BCORL1: variants seen among roughly 807,000 people sequenced by gnomAD.
BCORL1 encodes the protein BCL6 corepressor like 1, also known as BCL-6 corepressor-like protein 1.
In BCORL1, 7 loss-of-function variants were observed where a neutral mutation model predicts 87.6. The observed-to-expected ratio is 0.08, with a 90% CI of 0.05 to 0.15. The LOEUF (loss-of-function observed/expected upper bound fraction) is 0.15, where lower values mean the gene tolerates loss of function less well. BCORL1 is among the 10% of genes least tolerant of loss of function. The probability of loss-of-function intolerance (pLI) is 1.00; values close to 1 mark genes in which losing one functional copy is unlikely to be tolerated. For missense variants in BCORL1, 1,215 were observed against 1,499.7 expected (o/e 0.81, Z 3.13); for synonymous variants, 591 against 634.4 (o/e 0.93, Z 1.03).
chrX:130,034,698 C>T, intron 9 of BCORL1, 22 bp downstream of exon 9: 1 of 950,171 alleles, frequency 1.1e-6, no homozygotes, highest in East Asian at 7.6e-5. Context: ...TTCGACTGAC[C>T]ACAGGGCGCC....
chrX:129,984,373 T>G (rs1603052326), intron 1 of BCORL1, among the ~76,000 whole-genome samples: 1 of 100,190 alleles, frequency 1.0e-5, no homozygotes, highest in African/African-American at 3.7e-5. Flanking sequence ...CGGGGGGCGG[T>G]ACGAGCCGGG....
Position 130,014,110 on chromosome X carries a change from C to T in BCORL1, c.1338C>T (p.Ser446=), listed in dbSNP as rs143237476. ...SFQPGTVLTP[S]QPLVYIPPPS... Reference sequence around the variant, plus strand: ...AGCCAGGGACAGTGCTGACCCCGAGCCAGCCGCTGGTATATATCCCGCCTC... The same window carrying T: ...AGCCAGGGACAGTGCTGACCCCGAGTCAGCCGCTGGTATATATCCCGCCTC... Residue 446 remains serine, a synonymous_variant, in exon 4 of 14, where the codon AGC becomes AGT. Coordinates refer to ENST00000540052, the MANE Select transcript of BCORL1 (RefSeq NM_001379451.1). 3.3e-5 allele frequency: 40 copies of T among 1,208,393 alleles called. No homozygotes were observed. The highest frequency in any genetic ancestry group is 4.4e-5 in the Non-Finnish European group (39 of 894,565).
chrX:130,051,928 G>A lies in BCORL1; in HGVS notation c.4987G>A (p.Asp1663Asn), dbSNP rs150455678. 38 of 1,208,360 alleles carry A rather than the reference G, an allele frequency of 3.1e-5. No individual in the cohort carries two copies. The highest frequency in any genetic ancestry group is 4.0e-5 in the Non-Finnish European group (36 of 892,933). ...PPGSSDQEGD[D>N]PMEEDDFMFE... ...TGGGAGCTCAGATCAAGAAGGAGAC[G>A]ATCCGATGGAGGAGGATGATTTCAT... Residue 1663 changes from aspartate to asparagine, a missense_variant, in exon 13 of 14, where the codon GAT becomes AAT. Asp to Asn is a conservative substitution (Grantham distance 23). This residue lies in a region of BCORL1 where 129 missense variants were observed against 157.5 expected (regional missense o/e 0.82). Transcript: ENST00000540052.
chrX:130,031,243 G>A (rs755664520), intron 8 of BCORL1, among the ~76,000 whole-genome samples: 148 of 112,759 alleles, frequency 1.3e-3, no homozygotes, highest in African/African-American at 4.2e-3. Flanking sequence ...TCCTCCTGGC[G>A]ATAAAGCAGC....
chrX:129,991,651 C>CTTTTT (rs112594609), intron 1 of BCORL1, among the ~76,000 whole-genome samples: 12 of 47,547 alleles, frequency 2.5e-4, no homozygotes, highest in East Asian at 6.4e-4. Flanking sequence ...AGAAAATATT[C>CTTTTT]TTTTTTTTTT....
chrX:130,036,491 C>T (rs1460614224), intron 9 of BCORL1, among the ~76,000 whole-genome samples: 1 of 111,582 alleles, frequency 9.0e-6, no homozygotes. Flanking sequence ...AAACTCCTGA[C>T]CTCAGGTGAT....
In BCORL1 at chrX:130,013,416, A is replaced by G. The variant is rs1252221686; in HGVS notation, c.644A>G (p.His215Arg). The change falls in exon 4 of 14, where the codon CAC becomes CGC. Residue 215 changes from histidine to arginine, a missense_variant. His to Arg is a conservative substitution (Grantham distance 29). Transcript: ENST00000540052. ...PPAPGSASVP[H>R]SVPDAFQVPL... ...GCTCCCGGTTCGGCCTCTGTGCCCC[A>G]CTCTGTTCCAGATGCATTCCAGGTT... 1 of 1,209,175 alleles carries G rather than the reference A, an allele frequency of 8.3e-7. No homozygotes were observed. Among genetic ancestry groups the G allele is most frequent in the Non-Finnish European group, 1.1e-6 (1 of 894,679 alleles).
intron 13 of BCORL1, 56 bp downstream of exon 13, chrX:130,052,072 G>A: frequency 9.3e-7 from 1 of 1,079,078 alleles, no homozygotes; most frequent in African/African-American, 1.8e-5. Context: ...CACTCAGTAG[G>A]AAGGTGGAGT....
intron 2 of BCORL1, among the ~76,000 whole-genome samples, chrX:130,011,281 A>T (rs1310341333): frequency 1.8e-5 from 2 of 110,105 alleles, no homozygotes; most frequent in African/African-American, 6.6e-5. Flanking sequence ...TCTGTCGCCC[A>T]GGTTGAAGTG....
In BCORL1 at chrX:130,056,910, G is replaced by A. The variant is rs1244819856; in HGVS notation, c.*774G>A. On this transcript the variant is annotated 3_prime_UTR_variant, in exon 14 of 14. Coordinates refer to ENST00000540052, the MANE Select transcript of BCORL1 (RefSeq NM_001379451.1). The stretch of plus-strand genomic sequence containing the variant: ...CAGCAGCCCCGCTATCTTGAGATTA[G>A]TGTTGACAGGGAGGGGAGGATTGTG... 2 of 101,469 alleles carry A rather than the reference G, an allele frequency of 2.0e-5. No individual in the cohort carries two copies. The highest frequency in any genetic ancestry group is 4.0e-5 in the Non-Finnish European group (2 of 50,118). 8.4% of individuals were successfully genotyped at this position (101,469 alleles called of 1,213,427 possible).
Position 130,043,749 on chromosome X carries a change from TATATATATATA to T in BCORL1, c.4840+4468_4840+4478del, listed in dbSNP as rs1569388275. Among the ~76,000 whole-genome samples the T allele has an allele frequency of 2.6e-3, 35 of 13,536 alleles. 3 individuals carry two copies. Among genetic ancestry groups the T allele is most frequent in the African/African-American group, 9.0e-3 (32 of 3,562 alleles). The allele number at this position is 13,536 out of a possible 115,157, so 11.8% of individuals were successfully genotyped here. On this transcript the variant is annotated intron_variant, in intron 11 of 13. Coordinates refer to ENST00000540052, the MANE Select transcript of BCORL1 (RefSeq NM_001379451.1). ...GCCACCATGCCCAGCTAATTTGTTA[TATATATATATA>T]TATATATATATATATATATATATAT...
At position 130,014,899 on chromosome X, in the gene BCORL1, G is replaced by C. The variant is rs770976882; in HGVS notation, c.2127G>C (p.Leu709=). The C allele has an allele frequency of 3.3e-6, 4 of 1,211,694 alleles. No individual in the cohort carries two copies. The highest frequency in any genetic ancestry group is 4.5e-6 in the Non-Finnish European group (4 of 895,511). Residue 709 remains leucine (L), a synonymous_variant, in exon 4 of 14, where the codon CTG becomes CTC. Transcript: ENST00000540052. The part of the protein sequence containing the change: ...PSTWVKNSTA[L]ISTIPGTYVG... ...CCTGGGTGAAGAACTCAACTGCACT[G>C]ATCAGCACCATTCCTGGCACCTACG...
At chrX:130,019,171 G>C (rs1929634010) in intron 4 of BCORL1, among the ~76,000 whole-genome samples, 1 of 112,405 alleles carries the variant, frequency 8.9e-6, no homozygotes, top group African/African-American at 3.2e-5. Context: ...ATAAGTTGGA[G>C]TGTGCGAAAT....
Position 130,014,756 on chromosome X carries a change from C to T in BCORL1, c.1984C>T (p.Leu662=). The change falls in exon 4 of 14, where the codon CTG becomes TTG. Residue 662 remains leucine (L), a synonymous_variant. Transcript: ENST00000540052. The stretch of plus-strand genomic sequence containing the variant: ...CAGCAAGGCCCTCCTCTCCACAGTC[C>T]TGTCTAGGTCTCAGCGCACAACCCA... ...TSSKALLSTV[L]SRSQRTTQAA... 2 of 1,211,671 alleles carry T rather than the reference C, an allele frequency of 1.7e-6. No homozygotes were observed. The highest frequency in any genetic ancestry group is 3.5e-5 in the South Asian group (2 of 56,978).
intron 2 of BCORL1, among the ~76,000 whole-genome samples, chrX:130,006,546 A>T (rs950691007): frequency 1.2e-4 from 13 of 110,249 alleles, no homozygotes; most frequent in African/African-American, 3.6e-4. Context: ...TTTTTAGTAG[A>T]GACGGGGTTT....
chrX:130,010,663 G>A (rs2124427539), intron 2 of BCORL1: 1 of 110,498 alleles, frequency 9.0e-6, no homozygotes, highest in East Asian at 2.9e-4. Flanking sequence ...TCTTGCCCCA[G>A]GTACAATTTT....
intron 10 of BCORL1, among the ~76,000 whole-genome samples, chrX:130,038,369 G>C (rs1382527016): frequency 9.0e-6 from 1 of 111,491 alleles, no homozygotes; most frequent in Non-Finnish European, 1.9e-5. Context: ...TCCAGGAGGG[G>C]GCTCCGCTTG....
Position 130,037,323 on chromosome X carries a change from A to G in BCORL1, c.4528-44A>G, listed in dbSNP as rs750913931. 4 of 1,182,948 alleles carry G rather than the reference A, an allele frequency of 3.4e-6. No homozygotes were observed. The East Asian group carries it at 1.2e-4, about 35-fold the overall frequency. On this transcript the variant is annotated intron_variant, in intron 9 of 13. Transcript: ENST00000540052. ...AGTCTCAGGGTTATATAAGTTCAAG[A>G]ATTAGACCTCTCTTTGCTCATGGAG... is the stretch of plus-strand genomic sequence containing the variant.
intron 1 of BCORL1, among the ~76,000 whole-genome samples, chrX:129,998,411 C>CA (rs1349104761): frequency 1.8e-5 from 2 of 111,116 alleles, no homozygotes; most frequent in Non-Finnish European, 3.8e-5. Context: ...GTGCTTCAAG[C>CA]AAAAGCAAGC....
Sources: allele counts gnomAD v4.1 joint callset (sites outside exome capture counted in the v4.1 genomes callset), GRCh38; gene constraint gnomAD v4.1.1; regional missense constraint gnomAD v4.1.1; transcripts MANE v1.5; gene names NCBI Gene and HGNC (gene_info 2026-07-23, HGNC 2026-07-21).